TEX261: variants seen among roughly 807,000 people sequenced by gnomAD.
TEX261 encodes testis expressed 261, also known as protein TEX261.
In TEX261, 13 loss-of-function variants were observed where a neutral mutation model predicts 25.1. The observed-to-expected ratio is 0.52, with a 90% CI of 0.34 to 0.82. TEX261 has a LOEUF of 0.82. Among genes scored for constraint, TEX261 ranks in the 40% least tolerant of loss-of-function variants. The probability of loss-of-function intolerance (pLI) is 0.02; values close to 1 mark genes in which losing one functional copy is unlikely to be tolerated. For missense variants in TEX261, 206 were observed against 243.2 expected (o/e 0.85, Z 1.02); for synonymous variants, 92 against 97.8 (o/e 0.94, Z 0.35).
In TEX261 at chr2:70,988,402, G is replaced by A. The variant is rs1670230913; in HGVS notation, c.*198C>T. 1.7e-6 allele frequency: 1 copy of A among 573,116 alleles called. No homozygotes were observed. The highest frequency in any genetic ancestry group is 3.1e-6 in the Non-Finnish European group (1 of 320,286). The allele number at this position is 573,116 out of a possible 1,614,324, so 35.5% of individuals were successfully genotyped here. ...TCTGCCACCCTCCTTGGTGCCCTCTGAGGTTACAGCCTCTTGAAGCATCAG... is the reference window on the plus strand; with the variant it reads ...TCTGCCACCCTCCTTGGTGCCCTCTAAGGTTACAGCCTCTTGAAGCATCAG... On this transcript the variant is annotated 3_prime_UTR_variant, in exon 6 of 6. Transcript: ENST00000272438.
At chr2:70,989,102 G>T in intron 4 of TEX261, 85 bp from the exon 5 acceptor site, 1 of 1,159,488 alleles carries the variant, frequency 8.6e-7, no homozygotes, top group Non-Finnish European at 1.3e-6. Flanking sequence ...GGTCAAGAGT[G>T]CACAGGGGGC....
rs935534900 is a variant in TEX261 at position 70,988,342 on chromosome 2, G to A, written c.*258C>T. On this transcript the variant is annotated 3_prime_UTR_variant, in exon 6 of 6. Transcript: ENST00000272438. ...GACCCACCTTGGAAGGGACAGGGGA[G>A]GACTGAGGGACCTCGGCCTCCTGGC... The A allele has an allele frequency of 4.2e-5, 20 of 474,902 alleles. No individual in the cohort carries two copies. Among genetic ancestry groups the A allele is most frequent in the Non-Finnish European group, 7.0e-5 (18 of 258,234 alleles). The allele number at this position is 474,902 out of a possible 1,614,324, so 29.4% of individuals were successfully genotyped here. A position where few individuals can be genotyped will look rare whatever the true frequency, so the allele number is the denominator to read the frequency against.
intron 2 of TEX261, among the ~76,000 whole-genome samples, chr2:70,992,729 C>CAA (rs556141517): frequency 0.043 from 5,139 of 119,732 alleles, 309 homozygotes; most frequent in African/African-American, 0.15. Context: ...AACTCCATCT[C>CAA]AAAAAAAAAA....
chr2:70,991,122 G>T (rs554527351), intron 3 of TEX261, among the ~76,000 whole-genome samples: 2 of 152,330 alleles, frequency 1.3e-5, no homozygotes, highest in East Asian at 3.9e-4. Context: ...ACTTTCCGAA[G>T]CCTTTTCCAG....
At position 70,986,128 on chromosome 2, in the gene TEX261, G is replaced by A. The variant is rs1670179225; in HGVS notation, c.*2472C>T. The A allele has an allele frequency of 6.6e-6, 1 of 152,364 alleles. No individual in the cohort carries two copies. Among genetic ancestry groups the A allele is most frequent in the Non-Finnish European group, 1.5e-5 (1 of 68,084 alleles). 9.4% of individuals were successfully genotyped at this position (152,364 alleles called of 1,614,324 possible). On this transcript the variant is annotated 3_prime_UTR_variant, in exon 6 of 6. Transcript: ENST00000272438. ...TATGCCAGGGTGGGGGTCGGGAGGA[G>A]AGAGTATAGCCAAAGCTCCTTGGAG... is the stretch of plus-strand genomic sequence containing the variant.
intron 2 of TEX261, 67 bp downstream of exon 2, chr2:70,993,628 TC>T: frequency 7.7e-7 from 1 of 1,298,064 alleles, no homozygotes; most frequent in East Asian, 2.3e-5. Flanking sequence ...TGCCAAACTC[TC>T]CCCACTTCCT....
intron 3 of TEX261, 102 bp from the exon 4 acceptor site, chr2:70,989,918 T>C (rs1670270392): frequency 2.4e-6 from 2 of 817,064 alleles, no homozygotes; most frequent in Admixed American, 1.9e-5. Context: ...CATGGAGTCT[T>C]AGGCCTGACT....
In TEX261 at chr2:70,991,914, G is replaced by C; in HGVS notation, c.220C>G (p.Leu74Val). ...CCAAAGTAGACGAGGTTGGTGAATAGGCCCACTCCAATCATGCTGGTGGGG... is the reference window on the plus strand; with the variant it reads ...CCAAAGTAGACGAGGTTGGTGAATACGCCCACTCCAATCATGCTGGTGGGG... The part of the protein sequence containing the change: ...RFPTSMIGVG[L>V]FTNLVYFGLL... The change falls in exon 3 of 6, where the codon CTA (leucine) becomes GTA (valine). Residue 74 changes from leucine (L) to valine (V), a missense_variant. Transcript: ENST00000272438. 1 of 1,613,892 alleles carries C rather than the reference G, an allele frequency of 6.2e-7. No individual in the cohort carries two copies. Among genetic ancestry groups the C allele is most frequent in the Non-Finnish European group, 8.5e-7 (1 of 1,179,914 alleles).
intron 3 of TEX261, among the ~76,000 whole-genome samples, chr2:70,990,598 G>A (rs1433969101): frequency 6.6e-6 from 1 of 152,146 alleles, no homozygotes; most frequent in African/African-American, 2.4e-5. Flanking sequence ...GAAACTGACT[G>A]TCCCCTCACA....
intron 3 of TEX261, among the ~76,000 whole-genome samples, chr2:70,990,214 C>T (rs898683050): frequency 2.0e-5 from 3 of 152,134 alleles, no homozygotes; most frequent in Admixed American, 6.5e-5. Context: ...CTACTCCAAA[C>T]TCGCAGCAAG....
chr2:70,993,734 T>G lies in TEX261; in HGVS notation c.112A>C (p.Thr38Pro). 6.2e-7 allele frequency: 1 copy of G among 1,613,540 alleles called. No individual in the cohort carries two copies. The highest frequency in any genetic ancestry group is 2.2e-5 in the East Asian group (1 of 44,872). ...TTTATGATCCTGCTGGTGGCCACTG[T>G]GTATTCTTCTATCAGTTCTGCCAGG... ...YYLAELIEEY[T>P]VATSRIIKYM... Residue 38 changes from threonine (T) to proline (P), a missense_variant, in exon 2 of 6, where the codon ACA becomes CCA. By Grantham distance (38) the Thr-to-Pro change is conservative. Transcript: ENST00000272438.
intron 1 of TEX261, chr2:70,994,446 G>C (rs1288919630): frequency 1.6e-5 from 9 of 568,120 alleles, no homozygotes; most frequent in African/African-American, 1.4e-4. Context: ...GGCGGCACTC[G>C]AGTCACCCTT....
At chr2:70,994,105 G>A (rs1308645835) in intron 1 of TEX261, among the ~76,000 whole-genome samples, 1 of 152,230 alleles carries the variant, frequency 6.6e-6, no homozygotes, top group Admixed American at 6.5e-5. Flanking sequence ...GAATACAGCT[G>A]AAAAAGACAG....
Position 70,992,000 on chromosome 2 carries a change from C to A in TEX261, c.151-17G>T. 1 of 1,578,374 alleles carries A rather than the reference C, an allele frequency of 6.3e-7. No homozygotes were observed. On this transcript the variant is annotated splice_polypyrimidine_tract_variant and intron_variant, in intron 2 of 5. Transcript: ENST00000272438. Reference sequence around the variant, plus strand: ...GGTGGAGAACTGAAACAACCAGAGGCAGACAGTGCAGGGCGCTTCTTCCAG... The same window carrying A: ...GGTGGAGAACTGAAACAACCAGAGGAAGACAGTGCAGGGCGCTTCTTCCAG...
In TEX261 at chr2:70,988,659, G is replaced by C. The variant is rs781810430; in HGVS notation, c.532C>G (p.Leu178Val). The change falls in exon 6 of 6, where the codon CTG becomes GTG. Residue 178 changes from leucine (L) to valine (V), a missense_variant. Transcript: ENST00000272438. ...KGKRGKRLGI[L>V]VVFSFIKEAI... ...TCTTTGATGAAGGAGAAGACAACCA[G>C]GATCCCTAAGCGTTTGCCCCGCTTG... 8.7e-6 allele frequency: 14 copies of C among 1,614,196 alleles called. No individual in the cohort carries two copies. The highest frequency in any genetic ancestry group is 1.2e-5 in the Non-Finnish European group (14 of 1,180,030).
intron 4 of TEX261, chr2:70,989,229 C>A: frequency 1.7e-6 from 1 of 599,316 alleles, no homozygotes; most frequent in South Asian, 2.0e-5. Flanking sequence ...TGGCCACAAA[C>A]CCCATATCTT....
chr2:70,991,869 A>T lies in TEX261; in HGVS notation c.265T>A (p.Phe89Ile). The T allele has an allele frequency of 6.2e-7, 1 of 1,613,754 alleles. No homozygotes were observed. The highest frequency in any genetic ancestry group is 8.5e-7 in the Non-Finnish European group (1 of 1,179,866). The change falls in exon 3 of 6, where the codon TTC becomes ATC. Residue 89 changes from phenylalanine (F) to isoleucine (I), a missense_variant. By Grantham distance (21) the Phe-to-Ile change is conservative. Transcript: ENST00000272438. ...VYFGLLQTFP[F>I]IMLTSPNFIL... ...AAGTTAGGCGAGGTCAGCATGATGA[A>T]GGGGAAGGTCTGGAGGAGGCCAAAG...
In TEX261 at chr2:70,991,927, C is replaced by T; in HGVS notation, c.207G>A (p.Met69Ile). 1 of 1,613,722 alleles carries T rather than the reference C, an allele frequency of 6.2e-7. No homozygotes were observed. The highest frequency in any genetic ancestry group is 2.2e-5 in the East Asian group (1 of 44,870). Residue 69 changes from methionine to isoleucine, a missense_variant, in exon 3 of 6, where the codon ATG becomes ATA. Physicochemically the swap from Met to Ile is conservative, Grantham distance 10. Coordinates refer to ENST00000272438, the MANE Select transcript of TEX261 (RefSeq NM_144582.3). ...GGTTGGTGAATAGGCCCACTCCAAT[C>T]ATGCTGGTGGGGAAGCGCTCAAAGA... ...LYVFERFPTSMIGVGLFTNLV... is the reference protein window; with the variant it reads ...LYVFERFPTSIIGVGLFTNLV...
rs1572940685 is a variant in TEX261, at chr2:70,988,770, G to A, written c.476-55C>T. ...AGAGAGAGAGTGTGTGTGTGTGTGT[G>A]CGCATGTGTGTGAACACGGCCCTCC... is the stretch of plus-strand genomic sequence containing the variant. On this transcript the variant is annotated intron_variant, in intron 5 of 5. Transcript: ENST00000272438. The A allele has an allele frequency of 6.9e-5, 105 of 1,519,846 alleles. 2 individuals are homozygous for A. In the South Asian group the frequency reaches 1.1e-3, roughly 16 times the overall value. 94.1% of individuals were successfully genotyped at this position (1,519,846 alleles called of 1,614,324 possible). A position where few individuals can be genotyped will look rare whatever the true frequency, so the allele number is the denominator to read the frequency against.
Sources: gnomAD v4.1 joint callset for allele counts (sites outside exome capture counted in the v4.1 genomes callset) on GRCh38, gnomAD v4.1.1 for gene constraint, MANE v1.5 for transcripts, NCBI Gene and HGNC (gene_info 2026-07-23, HGNC 2026-07-21) for gene names.